Variants in SLCO3A1 observed in about 807,000 individuals in gnomAD.
SLCO3A1 encodes the protein solute carrier organic anion transporter family member 3A1.
SLCO3A1 carries 27 observed loss-of-function variants against 63.1 expected under a neutral mutation model. That is an observed-to-expected ratio of 0.43 (90% CI 0.32 to 0.59). SLCO3A1 has a LOEUF of 0.59. SLCO3A1 is among the 20% of genes least tolerant of loss of function. The probability of loss-of-function intolerance (pLI) is 0.09; values close to 1 mark genes in which losing one functional copy is unlikely to be tolerated. For missense variants in SLCO3A1, 773 were observed against 945.8 expected, an observed-to-expected ratio of 0.82 and a Z score of 2.40; for synonymous variants, 473 against 409.9, an observed-to-expected ratio of 1.15 and a Z score of -1.86.
At chr15:92,000,572 A>G (rs958236806) in intron 2 of SLCO3A1, among the ~76,000 whole-genome samples, 1 of 152,226 alleles carries the variant, frequency 6.6e-6, no homozygotes, top group Non-Finnish European at 1.5e-5. Flanking sequence ...AAGAGACCTA[A>G]AGGCAATGTC....
chr15:92,172,358 G>C (rs982267400), exon 11 of SLCO3A1: 1 of 153,938 alleles, frequency 6.5e-6, no homozygotes, highest in Non-Finnish European at 1.4e-5. Flanking sequence ...TTCCAAATGA[G>C]CAGTTTAGAA....
chr15:91,996,783 A>G (rs560014888), intron 2 of SLCO3A1, among the ~76,000 whole-genome samples: 72 of 152,326 alleles, frequency 4.7e-4, no homozygotes, highest in African/African-American at 1.7e-3. Context: ...ACTGTTAGCA[A>G]ATGAAAGGGA....
At position 91,855,513 on chromosome 15, in the gene SLCO3A1, A is replaced by C. The variant is rs186480454; in HGVS notation, c.180+1425A>C. ...TGTGCATTCGTAACTTGTAGACTGC[A>C]AGTGAACCCTGTAGTCAAAAGCATA... On this transcript the variant is annotated intron_variant, in intron 1 of 9. Transcript: ENST00000318445. Among the ~76,000 whole-genome samples, 396 of 152,320 alleles carry C rather than the reference A, an allele frequency of 2.6e-3. 5 individuals carry two copies. Among genetic ancestry groups the C allele is most frequent in the East Asian group, 2.3e-3 (12 of 5,188 alleles).
At chr15:91,922,423 C>G (rs1401129821) in intron 2 of SLCO3A1, among the ~76,000 whole-genome samples, 1 of 152,208 alleles carries the variant, frequency 6.6e-6, no homozygotes. Flanking sequence ...GTGCAGCCCT[C>G]TGTGTTTCCG....
At chr15:92,036,871 G>A (rs543078039) in intron 2 of SLCO3A1, among the ~76,000 whole-genome samples, 2 of 152,264 alleles carry the variant, frequency 1.3e-5, no homozygotes, top group South Asian at 2.1e-4. Flanking sequence ...TGGAGGAGGC[G>A]ATCCATGGGC....
chr15:92,079,471 A>G (rs1278643480), intron 2 of SLCO3A1, among the ~76,000 whole-genome samples: 3 of 152,190 alleles, frequency 2.0e-5, no homozygotes, highest in Admixed American at 2.0e-4. Flanking sequence ...CCAGCTTCTC[A>G]CTGTGCCCTC....
intron 3 of SLCO3A1, among the ~76,000 whole-genome samples, chr15:92,099,517 T>C (rs1023798632): frequency 3.9e-5 from 6 of 152,228 alleles, no homozygotes; most frequent in Non-Finnish European, 8.8e-5. Flanking sequence ...TGATCTCCTC[T>C]TCTCACAATC....
At chr15:92,099,250 C>G (rs1163018414) in intron 3 of SLCO3A1, among the ~76,000 whole-genome samples, 1 of 152,246 alleles carries the variant, frequency 6.6e-6, no homozygotes, top group Non-Finnish European at 1.5e-5. Context: ...TGAGGGCTGG[C>G]TGCTACTGCT....
Position 91,941,609 on chromosome 15 carries a change from G to A in SLCO3A1, c.646+25151G>A, listed in dbSNP as rs1273501235. On this transcript the variant is annotated intron_variant, in intron 2 of 9. Coordinates refer to ENST00000318445, the MANE Select transcript of SLCO3A1 (RefSeq NM_013272.4). The surrounding 1 kb of genome is among the most constrained non-coding windows in gnomAD (Gnocchi z 4.4). ...ATCTTTTCTCTTCCTTCGTCTTGGAGGTTTTGAAGCTTCTAATCTCCCATG... is the reference window on the plus strand; with the variant it reads ...ATCTTTTCTCTTCCTTCGTCTTGGAAGTTTTGAAGCTTCTAATCTCCCATG... 2.2e-6 allele frequency: 1 copy of A among 455,324 alleles called. No homozygotes were observed. Among genetic ancestry groups the A allele is most frequent in the Admixed American group, 2.4e-5 (1 of 42,462 alleles). 28.2% of individuals were successfully genotyped at this position (455,324 alleles called of 1,614,324 possible). A position where few individuals can be genotyped will look rare whatever the true frequency, so the allele number is the denominator to read the frequency against.
At chr15:91,939,304 C>CG (rs1899531273) in intron 2 of SLCO3A1, among the ~76,000 whole-genome samples, 2 of 152,122 alleles carry the variant, frequency 1.3e-5, no homozygotes, top group African/African-American at 4.8e-5. Flanking sequence ...AGAACAGCAC[C>CG]AAGAGGATGG....
In SLCO3A1 at chr15:91,997,086, C is replaced by T. The variant is rs554658822; in HGVS notation, c.646+80628C>T. Among the ~76,000 whole-genome samples the T allele has an allele frequency of 7.9e-5, 12 of 152,264 alleles. 1 individual carries two copies. The East Asian group carries it at 2.3e-3, about 29-fold the overall frequency. On this transcript the variant is annotated intron_variant, in intron 2 of 9. Coordinates refer to ENST00000318445, the MANE Select transcript of SLCO3A1 (RefSeq NM_013272.4). ...GTCTCTCTTCACTCGTGATGTGACT[C>T]TACACCTAGAAAACCCTAAAGATTC...
intron 2 of SLCO3A1, among the ~76,000 whole-genome samples, chr15:92,039,163 G>A (rs1310481689): frequency 6.6e-6 from 1 of 152,146 alleles, no homozygotes; most frequent in Non-Finnish European, 1.5e-5. Context: ...TAAGGACATA[G>A]GCATGGGCAA....
chr15:92,079,640 G>A (rs34044069), intron 2 of SLCO3A1, among the ~76,000 whole-genome samples: 10 of 152,248 alleles, frequency 6.6e-5, no homozygotes, highest in South Asian at 4.1e-4. Flanking sequence ...AGGTTCCCGC[G>A]GCCAGGGCTT....
chr15:92,111,472 A>T (rs1202493799), intron 4 of SLCO3A1, among the ~76,000 whole-genome samples: 1 of 151,906 alleles, frequency 6.6e-6, no homozygotes, highest in East Asian at 1.9e-4. Flanking sequence ...TCCTGATTCC[A>T]TGGTGAAGGA....
At chr15:92,094,805 C>A (rs921596129) in intron 2 of SLCO3A1, 76 bp from the exon 3 acceptor site, 5 of 902,032 alleles carry the variant, frequency 5.5e-6, no homozygotes, top group South Asian at 2.8e-5. Context: ...GTAAAATAAT[C>A]TCCTTGACCT....
intron 1 of SLCO3A1, among the ~76,000 whole-genome samples, chr15:91,874,709 G>A (rs1013683289): frequency 2.6e-5 from 4 of 152,190 alleles, no homozygotes; most frequent in African/African-American, 4.8e-5. Flanking sequence ...CATCGCTGTA[G>A]AGCTTTCATC....
intron 1 of SLCO3A1, among the ~76,000 whole-genome samples, chr15:91,911,693 C>T (rs1018002026): frequency 2.6e-5 from 4 of 152,042 alleles, no homozygotes; most frequent in African/African-American, 9.7e-5. Context: ...GTGGCGCAGT[C>T]TTGGCTCACT....
At chr15:91,933,114 C>T (rs887147179) in intron 2 of SLCO3A1, among the ~76,000 whole-genome samples, 20 of 151,460 alleles carry the variant, frequency 1.3e-4, no homozygotes, top group African/African-American at 3.1e-4. Flanking sequence ...ATTTTTTTTT[C>T]GGTTATTTTT....
At chr15:91,881,112 A>C (rs2151345706) in intron 1 of SLCO3A1, among the ~76,000 whole-genome samples, 1 of 152,268 alleles carries the variant, frequency 6.6e-6, no homozygotes, top group East Asian at 1.9e-4. Flanking sequence ...GGGAGAAGGT[A>C]CCTTTTCTGC....
Sources: gnomAD v4.1 joint callset for allele counts (sites outside exome capture counted in the v4.1 genomes callset) on GRCh38, gnomAD v4.1.1 for gene constraint, Gnocchi (gnomAD v3.1) non-coding constraint, MANE v1.5 for transcripts, NCBI Gene and HGNC (gene_info 2026-07-23, HGNC 2026-07-21) for gene names.